Variants in TCN2 observed in about 807,000 individuals in gnomAD.
TCN2 encodes the protein transcobalamin 2.
A neutral mutation model predicts 48.6 loss-of-function variants in TCN2; 34 were observed. The observed-to-expected ratio is 0.70, with a 90% CI of 0.53 to 0.93. The LOEUF is 0.93. Ranked by LOEUF, TCN2 falls within the 40% of genes least tolerant of loss-of-function variation. The pLI is 0.00. For synonymous variants in TCN2, 283 were observed against 212.5 expected, an observed-to-expected ratio of 1.33 and a Z score of -2.89; for missense variants, 652 against 526.1, an observed-to-expected ratio of 1.24 and a Z score of -2.34.
intron 1 of TCN2, among the ~76,000 whole-genome samples, chr22:30,608,264 A>C (rs2087482814): frequency 6.6e-6 from 1 of 152,198 alleles, no homozygotes; most frequent in Non-Finnish European, 1.5e-5. Flanking sequence ...AGGTGGGTGC[A>C]GTCATGTCCA....
chr22:30,627,001 G>A lies in TCN2; in HGVS notation c.*480G>A, dbSNP rs2087820925. On this transcript the variant is annotated 3_prime_UTR_variant, in exon 9 of 9. Transcript: ENST00000215838. ...TGGCACAGTAGCTGGGGAGACCTCA[G>A]CAGGGCTGCTCAGTGCCTGCCTCTG... is the stretch of plus-strand genomic sequence containing the variant. 4.2e-6 allele frequency: 1 copy of A among 238,774 alleles called. No individual in the cohort carries two copies. Among genetic ancestry groups the A allele is most frequent in the Non-Finnish European group, 8.4e-6 (1 of 118,974 alleles). The allele number at this position is 238,774 out of a possible 1,614,324, so 14.8% of individuals were successfully genotyped here.
intron 8 of TCN2, among the ~76,000 whole-genome samples, chr22:30,624,889 A>G (rs1013138951): frequency 3.9e-5 from 6 of 152,212 alleles, no homozygotes; most frequent in African/African-American, 1.2e-4. Flanking sequence ...TGAAGCTGCT[A>G]TTACAAAATA....
Position 30,615,623 on chromosome 22 carries a change from G to T in TCN2, c.776G>T (p.Arg259Leu). 1 of 1,613,778 alleles carries T rather than the reference G, an allele frequency of 6.2e-7. No individual in the cohort carries two copies. The highest frequency in any genetic ancestry group is 8.5e-7 in the Non-Finnish European group (1 of 1,179,928). ...ALQFLMTSPM[R>L]GAELGTACLK... ...CAGTTCCTCATGACTTCCCCCATGC[G>T]TGGGGCAGAACTGGGAACAGCATGT... is the stretch of plus-strand genomic sequence containing the variant. Residue 259 changes from arginine (R) to leucine (L), a missense_variant, in exon 6 of 9, where the codon CGT (arginine) becomes CTT (leucine). Coordinates refer to ENST00000215838, the MANE Select transcript of TCN2 (RefSeq NM_000355.4).
intron 1 of TCN2, among the ~76,000 whole-genome samples, chr22:30,610,628 A>G (rs1263302340): frequency 1.3e-5 from 2 of 151,962 alleles, no homozygotes; most frequent in East Asian, 1.9e-4. Context: ...AGCATCCTCT[A>G]TCTTCAGCCC....
rs1011133532 is a variant in TCN2, at chr22:30,614,087, C to G, written c.428-262C>G. On this transcript the variant is annotated intron_variant, in intron 3 of 8. Coordinates refer to ENST00000215838, the MANE Select transcript of TCN2 (RefSeq NM_000355.4). Reference sequence around the variant, plus strand: ...CACTACTTGGTCTGCATTCTCGTTGCAATTGCAGTCGCATGAGCAATTGCT... The same window carrying G: ...CACTACTTGGTCTGCATTCTCGTTGGAATTGCAGTCGCATGAGCAATTGCT... Among the ~76,000 whole-genome samples, 3 of 152,196 alleles carry G rather than the reference C, an allele frequency of 2.0e-5. No individual in the cohort carries two copies. The South Asian group carries it at 6.2e-4, about 32-fold the overall frequency.
intron 8 of TCN2, 86 bp from the exon 9 acceptor site, chr22:30,626,374 C>A (rs887402134): frequency 2.1e-6 from 3 of 1,417,404 alleles, no homozygotes; most frequent in Non-Finnish European, 3.0e-6. Flanking sequence ...CAGACTCTAG[C>A]CTCAGGGTGG....
rs1569046902 is a variant in TCN2 at position 30,623,939 on chromosome 22, C to CACACACATATATGTATACATATAT, written c.1222+863_1222+864insTATATGTATACATATATACACACA. Among the ~76,000 whole-genome samples, 81 of 35,832 alleles carry CACACACATATATGTATACATATAT rather than the reference C, an allele frequency of 2.3e-3. 23 individuals carry two copies. Among genetic ancestry groups the CACACACATATATGTATACATATAT allele is most frequent in the Admixed American group, 4.4e-3 (13 of 2,934 alleles). The allele number at this position is 35,832 out of a possible 152,430, so 23.5% of individuals were successfully genotyped here. ...ACACATATATATGTATACATATATA[C>CACACACATATATGTATACATATAT]ACACACACATATGTATACATATATA... On this transcript the variant is annotated intron_variant, in intron 8 of 8. Transcript: ENST00000215838.
At chr22:30,610,168 C>T (rs996367504) in intron 1 of TCN2, 7 of 468,344 alleles carry the variant, frequency 1.5e-5, no homozygotes, top group East Asian at 6.9e-5. Flanking sequence ...AACAGGTAAA[C>T]GGCTGCAAGC....
chr22:30,618,266 T>C (rs1385516105), intron 7 of TCN2, among the ~76,000 whole-genome samples: 1 of 90,790 alleles, frequency 1.1e-5, no homozygotes, highest in Non-Finnish European at 2.1e-5. Context: ...ATAACTGGTT[T>C]TTTTTGTTTT....
intron 8 of TCN2, among the ~76,000 whole-genome samples, chr22:30,623,775 CATAT>C (rs747385413): frequency 5.3e-5 from 2 of 37,496 alleles, no homozygotes; most frequent in Admixed American, 3.4e-4. Flanking sequence ...TATATACACA[CATAT>C]ATATGTATAC....
chr22:30,617,774 CGAG>C, intron 7 of TCN2: 1 of 474,426 alleles, frequency 2.1e-6, no homozygotes, highest in Non-Finnish European at 3.9e-6. Flanking sequence ...CACAATTCAC[CGAG>C]GAGAACAGTT....
Position 30,610,961 on chromosome 22 carries a change from C to G in TCN2, c.155C>G (p.Pro52Arg), listed in dbSNP as rs774253239. 2.5e-6 allele frequency: 4 copies of G among 1,614,070 alleles called. No individual in the cohort carries two copies. The highest frequency in any genetic ancestry group is 2.5e-6 in the Non-Finnish European group (3 of 1,180,044). Residue 52 changes from proline to arginine, a missense_variant, in exon 2 of 9, where the codon CCC (proline) becomes CGC (arginine). By Grantham distance (103) the Pro-to-Arg change is moderately radical. Transcript: ENST00000215838. The part of the protein sequence containing the change: ...MDRLSLEHLN[P>R]SIYVGLRLSS... ...CGGCTTTCCCTGGAGCACTTGAACC[C>G]CAGCATCTATGTGGGCCTACGCCTC...
Position 30,607,212 on chromosome 22 carries a change from C to A in TCN2, c.-120C>A. 27 of 1,000,684 alleles carry A rather than the reference C, an allele frequency of 2.7e-5. No homozygotes were observed. Among genetic ancestry groups the A allele is most frequent in the Non-Finnish European group, 2.8e-5 (18 of 650,226 alleles). The allele number at this position is 1,000,684 out of a possible 1,614,324, so 62.0% of individuals were successfully genotyped here. A position where few individuals can be genotyped will look rare whatever the true frequency, so the allele number is the denominator to read the frequency against. On this transcript the variant is annotated 5_prime_UTR_variant, in exon 1 of 9. Transcript: ENST00000215838. ...TGCATTGCAGGCATGGAGGATTAAT[C>A]AGTGACAGGAAGCTGCGTCTCTCGG...
In TCN2 at chr22:30,613,060, G is replaced by A. The variant is rs373712632; in HGVS notation, c.427+18G>A. ...AGCCATTGGTGAGCAGACACCATCC[G>A]CTGGGGGTGGGGAGCAGCTGGGAGG... On this transcript the variant is annotated intron_variant, in intron 3 of 8. Coordinates refer to ENST00000215838, the MANE Select transcript of TCN2 (RefSeq NM_000355.4). 7.6e-5 allele frequency: 123 copies of A among 1,613,166 alleles called. No homozygotes were observed. The highest frequency in any genetic ancestry group is 4.5e-5 in the East Asian group (2 of 44,858).
At chr22:30,617,769 T>G in intron 7 of TCN2, 1 of 477,604 alleles carries the variant, frequency 2.1e-6, no homozygotes, top group Non-Finnish European at 3.9e-6. Context: ...GCACCCACAA[T>G]TCACCGAGGA....
rs754568912 is a variant in TCN2, at chr22:30,615,568, ACTT to A, written c.754-31_754-29del. 4.3e-6 allele frequency: 7 copies of A among 1,613,490 alleles called. No homozygotes were observed. The African/African-American group carries it at 5.4e-5, about 12-fold the overall frequency. On this transcript the variant is annotated intron_variant, in intron 5 of 8. Transcript: ENST00000215838. ...ACACCTAGCCCCTCCCTGCCGGCTG[ACTT>A]CCTCTCTCTCTTCCTCACTCTATCA...
chr22:30,622,146 C>G (rs150642652), intron 7 of TCN2, among the ~76,000 whole-genome samples: 217 of 152,326 alleles, frequency 1.4e-3, no homozygotes, highest in African/African-American at 4.8e-3. Flanking sequence ...AACCACCACA[C>G]CTGGCTAATT....
In TCN2 at chr22:30,623,889, CAT is replaced by C. The variant is rs371403737; in HGVS notation, c.1222+813_1222+814del. ...ACATATATACACACATATATACACACATATATATGTATACATATATATACACA... is the reference window on the plus strand; with the variant it reads ...ACATATATACACACATATATACACACATATATGTATACATATATATACACA... On this transcript the variant is annotated intron_variant, in intron 8 of 8. Transcript: ENST00000215838. 6.2e-3 allele frequency among the ~76,000 whole-genome samples: 205 copies of C among 32,950 alleles called. 46 individuals are homozygous for C. The highest frequency in any genetic ancestry group is 0.011 in the Middle Eastern group (1 of 90). 21.6% of individuals were successfully genotyped at this position (32,950 alleles called of 152,430 possible).
At chr22:30,610,177 G>A in intron 1 of TCN2, 1 of 470,152 alleles carries the variant, frequency 2.1e-6, no homozygotes, top group South Asian at 1.6e-5. Flanking sequence ...ACGGCTGCAA[G>A]CTGTGACTGT....
Sources: allele counts gnomAD v4.1 joint callset (sites outside exome capture counted in the v4.1 genomes callset), GRCh38; gene constraint gnomAD v4.1.1; transcripts MANE v1.5; gene names NCBI Gene and HGNC (gene_info 2026-07-23, HGNC 2026-07-21).